VAT1L: variants seen among roughly 807,000 people sequenced by gnomAD.
The protein encoded by VAT1L is putative NADPH-dependent quinone oxidoreductase VAT1L.
A neutral mutation model predicts 44.1 loss-of-function variants in VAT1L; 34 were observed. The ratio of observed to expected loss-of-function variants is 0.77; its 90% CI spans 0.59 to 1.03. VAT1L has a LOEUF of 1.03. VAT1L is among the 50% of genes least tolerant of loss of function. VAT1L has a pLI of 0.00. For missense variants in VAT1L, 615 were observed against 538.8 expected (o/e 1.14, Z -1.40); for synonymous variants, 253 against 202.2 (o/e 1.25, Z -2.13).
At position 77,945,010 on chromosome 16, in the gene VAT1L, G is replaced by A. The variant is rs569732707; in HGVS notation, c.1078-26840G>A. Among the ~76,000 whole-genome samples, 5 of 152,164 alleles carry A rather than the reference G, an allele frequency of 3.3e-5. No homozygotes were observed. The East Asian group carries it at 5.8e-4, about 18-fold the overall frequency. On this transcript the variant is annotated intron_variant, in intron 7 of 8. Coordinates refer to ENST00000302536, the MANE Select transcript of VAT1L (RefSeq NM_020927.3). ...CCTGCATGGAATCCCAGATAATGAA[G>A]AATGATGAGGCTAATTATAGACTCA... is the stretch of plus-strand genomic sequence containing the variant.
At chr16:77,817,894 G>C (rs916367866) in intron 2 of VAT1L, among the ~76,000 whole-genome samples, 2 of 152,132 alleles carry the variant, frequency 1.3e-5, no homozygotes, top group African/African-American at 4.8e-5. Context: ...CCCTAGGGAG[G>C]AATGAACATT....
chr16:77,795,506 T>C (rs539635569), intron 1 of VAT1L, among the ~76,000 whole-genome samples: 1 of 152,294 alleles, frequency 6.6e-6, no homozygotes, highest in Admixed American at 6.5e-5. Flanking sequence ...TTGTTTGTAG[T>C]AGGTATTTCC....
chr16:77,969,560 C>A (rs1033721183), intron 7 of VAT1L, among the ~76,000 whole-genome samples: 3 of 152,018 alleles, frequency 2.0e-5, no homozygotes, highest in African/African-American at 4.8e-5. Flanking sequence ...CAGTTTGAGT[C>A]ATCAGAACAA....
At chr16:77,946,279 C>CTTTTTGTTTTTTTTTTTTTTTTTTTT (rs2017963665) in intron 7 of VAT1L, among the ~76,000 whole-genome samples, 1 of 70,428 alleles carries the variant, frequency 1.4e-5, no homozygotes, top group Non-Finnish European at 2.5e-5. Flanking sequence ...GTTACTTGTT[C>CTTTTTGTTTTTTTTTTTTTTTTTTTT]TTTTTTTTTT....
At chr16:77,836,925 G>T (rs1422881657) in intron 3 of VAT1L, among the ~76,000 whole-genome samples, 2 of 152,148 alleles carry the variant, frequency 1.3e-5, no homozygotes, top group African/African-American at 4.8e-5. Flanking sequence ...AGTAGATTGA[G>T]CTCAATAATT....
chr16:77,813,477 AG>A (rs2016300259), intron 1 of VAT1L, among the ~76,000 whole-genome samples: 2 of 152,228 alleles, frequency 1.3e-5, no homozygotes, highest in African/African-American at 4.8e-5. Context: ...ATCATAGAGC[AG>A]GAGGTGTGAT....
chr16:77,854,829 A>T (rs7184232), intron 3 of VAT1L, among the ~76,000 whole-genome samples: 2,659 of 152,310 alleles, frequency 0.017, 80 homozygotes, highest in African/African-American at 0.061. Flanking sequence ...TAGAAGAGAT[A>T]TACAAAATTC....
intron 2 of VAT1L, among the ~76,000 whole-genome samples, chr16:77,821,348 T>C (rs1292532972): frequency 6.6e-6 from 1 of 151,592 alleles, no homozygotes; most frequent in Non-Finnish European, 1.5e-5. Context: ...TTGCCCAGGC[T>C]GAAGTGCACT....
chr16:77,893,862 T>C (rs2142469549), intron 7 of VAT1L, among the ~76,000 whole-genome samples: 1 of 152,272 alleles, frequency 6.6e-6, no homozygotes, highest in Non-Finnish European at 1.5e-5. Context: ...ATAAACTCAT[T>C]GAAGAATGAG....
intron 7 of VAT1L, among the ~76,000 whole-genome samples, chr16:77,959,500 A>ACTCATTT (rs2018139131): frequency 6.6e-6 from 1 of 152,102 alleles, no homozygotes; most frequent in African/African-American, 2.4e-5. Context: ...TTAAAGTATT[A>ACTCATTT]CTCATTTCTT....
chr16:77,923,534 A>G (rs1443699348), intron 7 of VAT1L, among the ~76,000 whole-genome samples: 5 of 152,188 alleles, frequency 3.3e-5, no homozygotes, highest in Admixed American at 3.3e-4. Flanking sequence ...TGTTAACAAA[A>G]TTAAGCCAGC....
intron 8 of VAT1L, 44 bp from the exon 9 acceptor site, chr16:77,977,553 G>A: frequency 6.3e-7 from 1 of 1,593,702 alleles, no homozygotes; most frequent in South Asian, 1.1e-5. Context: ...AGATGACGAG[G>A]CTGGGTTGCA....
chr16:77,910,058 T>TAAGGTGAAATTCA (rs1480581667), intron 7 of VAT1L, among the ~76,000 whole-genome samples: 2 of 152,230 alleles, frequency 1.3e-5, no homozygotes, highest in Non-Finnish European at 2.9e-5. Context: ...GAATGCCCTT[T>TAAGGTGAAATTCA]AAGGTGAAAT....
rs181429468 is a variant in VAT1L, at chr16:77,829,503, C to T, written c.579+4042C>T. On this transcript the variant is annotated intron_variant, in intron 3 of 8. Coordinates refer to ENST00000302536, the MANE Select transcript of VAT1L (RefSeq NM_020927.3). ...AATTCAATCTGGAGCAGGATACACT[C>T]TCATTGGAATTGCCCACTGCCTCCA... 1.4e-4 allele frequency among the ~76,000 whole-genome samples: 21 copies of T among 152,326 alleles called. No individual in the cohort carries two copies. The East Asian group carries it at 3.7e-3, about 27-fold the overall frequency.
Position 77,971,890 on chromosome 16 carries a change from T to A in VAT1L, c.1118T>A (p.Ile373Asn). Reference sequence around the variant, plus strand: ...CAGCGGATTCACGACCGAGGGAACATTGGCAAGTTAATTCTGGATGTAGAA... The same window carrying A: ...CAGCGGATTCACGACCGAGGGAACAATGGCAAGTTAATTCTGGATGTAGAA... ...AMQRIHDRGNIGKLILDVEKT... is the reference protein window; with the variant it reads ...AMQRIHDRGNNGKLILDVEKT... The change falls in exon 8 of 9, where the codon ATT becomes AAT. Residue 373 changes from isoleucine to asparagine, a missense_variant. Ile to Asn is a moderately radical substitution (Grantham distance 149). Transcript: ENST00000302536. 6.2e-7 allele frequency: 1 copy of A among 1,613,794 alleles called. No individual in the cohort carries two copies. The highest frequency in any genetic ancestry group is 8.5e-7 in the Non-Finnish European group (1 of 1,179,848).
chr16:77,938,286 T>G (rs5007200), intron 7 of VAT1L, among the ~76,000 whole-genome samples: 23,925 of 152,246 alleles, frequency 0.16, 2,329 homozygotes, highest in Non-Finnish European at 0.22. Flanking sequence ...AGATATTTAT[T>G]GAATTCCAAC....
intron 3 of VAT1L, among the ~76,000 whole-genome samples, chr16:77,846,165 A>G (rs544398173): frequency 6.6e-6 from 1 of 152,324 alleles, no homozygotes; most frequent in East Asian, 1.9e-4. Context: ...GGGAGGATAC[A>G]TTAGTATGTA....
intron 2 of VAT1L, among the ~76,000 whole-genome samples, chr16:77,819,608 C>A (rs2016414948): frequency 6.6e-6 from 1 of 152,170 alleles, no homozygotes; most frequent in East Asian, 1.9e-4. Flanking sequence ...GTCTCGAACT[C>A]CTGACCTCAG....
intron 4 of VAT1L, among the ~76,000 whole-genome samples, chr16:77,868,595 A>G (rs376266309): frequency 8.5e-5 from 13 of 152,344 alleles, no homozygotes; most frequent in South Asian, 8.3e-4. Flanking sequence ...GACGGGACTC[A>G]GTTCCAGGTG....
Sources: gnomAD v4.1 joint callset for allele counts (sites outside exome capture counted in the v4.1 genomes callset) on GRCh38, gnomAD v4.1.1 for gene constraint, MANE v1.5 for transcripts, NCBI Gene and HGNC (gene_info 2026-07-23, HGNC 2026-07-21) for gene names.